SYNDIG1: variants seen among roughly 807,000 people sequenced by gnomAD.
SYNDIG1 encodes the protein synapse differentiation-inducing gene protein 1.
SYNDIG1 carries 9 observed loss-of-function variants against 19.4 expected under a neutral mutation model. That is an observed-to-expected ratio of 0.46 (90% CI 0.28 to 0.81). The LOEUF (loss-of-function observed/expected upper bound fraction) is 0.81, where lower values mean the gene tolerates loss of function less well. Among genes scored for constraint, SYNDIG1 ranks in the 30% least tolerant of loss-of-function variants. The probability of loss-of-function intolerance (pLI) is 0.12; values close to 1 mark genes in which losing one functional copy is unlikely to be tolerated. For synonymous variants in SYNDIG1, 141 were observed against 145.9 expected, an observed-to-expected ratio of 0.97 and a Z score of 0.24; for missense variants, 311 against 343.3, an observed-to-expected ratio of 0.91 and a Z score of 0.74.
At chr20:24,627,580 A>T (rs1260149817) in intron 3 of SYNDIG1, among the ~76,000 whole-genome samples, 1 of 152,240 alleles carries the variant, frequency 6.6e-6, no homozygotes, top group Non-Finnish European at 1.5e-5. Flanking sequence ...TTCAGAAAAC[A>T]TTCTCCGTAG....
At chr20:24,472,924 A>G (rs780062114) in intron 1 of SYNDIG1, among the ~76,000 whole-genome samples, 8 of 152,244 alleles carry the variant, frequency 5.3e-5, no homozygotes, top group African/African-American at 9.6e-5. Flanking sequence ...ATGAATAACC[A>G]TCTTGTAGGT....
In SYNDIG1 at chr20:24,530,804, G is replaced by GTT. The variant is rs199615273; in HGVS notation, c.-78-12211_-78-12210dup. Among the ~76,000 whole-genome samples the GTT allele has an allele frequency of 3.2e-3, 480 of 149,282 alleles. 7 individuals carry two copies. Among genetic ancestry groups the GTT allele is most frequent in the African/African-American group, 0.012 (462 of 39,714 alleles). ...GGGGTTTTGTTTGTTTGTTTTTTGGGTTTTTTGTTTTTTTTTTTTTCGGAG... is the reference window on the plus strand; with the variant it reads ...GGGGTTTTGTTTGTTTGTTTTTTGGGTTTTTTTTGTTTTTTTTTTTTTCGGAG... On this transcript the variant is annotated intron_variant, in intron 1 of 3. Coordinates refer to ENST00000376862, the MANE Select transcript of SYNDIG1 (RefSeq NM_024893.3).
chr20:24,631,497 T>C (rs1600797461), intron 3 of SYNDIG1, among the ~76,000 whole-genome samples: 1 of 152,328 alleles, frequency 6.6e-6, no homozygotes, highest in East Asian at 1.9e-4. Flanking sequence ...AAATTCAACA[T>C]TCCTCATTCT....
chr20:24,480,220 A>G (rs923637824), intron 1 of SYNDIG1, among the ~76,000 whole-genome samples: 4 of 152,236 alleles, frequency 2.6e-5, no homozygotes, highest in African/African-American at 4.8e-5. Context: ...AGAACAACCG[A>G]AGATGAAATA....
rs150549698 is a variant in SYNDIG1 at position 24,526,108 on chromosome 20, G to A, written c.-78-16912G>A. Reference sequence around the variant, plus strand: ...TTTTACTTTTAGCGATTCCATGTCCGTATGCTTTAGGTCTATCTCTTATAA... The same window carrying A: ...TTTTACTTTTAGCGATTCCATGTCCATATGCTTTAGGTCTATCTCTTATAA... On this transcript the variant is annotated intron_variant, in intron 1 of 3. Coordinates refer to ENST00000376862, the MANE Select transcript of SYNDIG1 (RefSeq NM_024893.3). 1.8e-3 allele frequency among the ~76,000 whole-genome samples: 275 copies of A among 152,060 alleles called. 1 individual carries two copies. Among genetic ancestry groups the A allele is most frequent in the African/African-American group, 6.2e-3 (256 of 41,466 alleles).
intron 2 of SYNDIG1, among the ~76,000 whole-genome samples, chr20:24,556,478 G>A (rs547377678): frequency 2.2e-4 from 33 of 152,264 alleles, no homozygotes; most frequent in African/African-American, 7.0e-4. Flanking sequence ...GCTTCCTTCA[G>A]GAGCTCTTTT....
intron 1 of SYNDIG1, among the ~76,000 whole-genome samples, chr20:24,490,686 A>C (rs763258815): frequency 6.6e-6 from 1 of 152,230 alleles, no homozygotes; most frequent in African/African-American, 2.4e-5. Context: ...AGGGGCCGGC[A>C]TGACAGCTGT....
At chr20:24,636,470 T>C (rs2059317360) in intron 3 of SYNDIG1, among the ~76,000 whole-genome samples, 1 of 152,190 alleles carries the variant, frequency 6.6e-6, no homozygotes, top group Non-Finnish European at 1.5e-5. Context: ...GAGGAGGCAG[T>C]GTCTGATTTA....
At chr20:24,598,772 G>A (rs2058634670) in intron 3 of SYNDIG1, among the ~76,000 whole-genome samples, 1 of 152,102 alleles carries the variant, frequency 6.6e-6, no homozygotes, top group Admixed American at 6.5e-5. Flanking sequence ...ATCCCAAAGG[G>A]TCAGTTTTGT....
intron 2 of SYNDIG1, among the ~76,000 whole-genome samples, chr20:24,580,381 C>T (rs2058301599): frequency 6.6e-6 from 1 of 151,924 alleles, no homozygotes; most frequent in Admixed American, 6.5e-5. Context: ...TTTTGTCTGC[C>T]CTGTAATTTG....
At chr20:24,659,688 C>A (rs752703162) in intron 3 of SYNDIG1, among the ~76,000 whole-genome samples, 1 of 152,142 alleles carries the variant, frequency 6.6e-6, no homozygotes, top group Non-Finnish European at 1.5e-5. Flanking sequence ...TGGGGAGAGG[C>A]CTGGAGAGGG....
chr20:24,607,591 C>T (rs1416269716), intron 3 of SYNDIG1, among the ~76,000 whole-genome samples: 3 of 152,136 alleles, frequency 2.0e-5, no homozygotes, highest in Non-Finnish European at 4.4e-5. Flanking sequence ...GAGACATCTC[C>T]ATGGGCCACA....
chr20:24,480,143 G>A (rs1004977811), intron 1 of SYNDIG1, among the ~76,000 whole-genome samples: 3 of 152,186 alleles, frequency 2.0e-5, no homozygotes, highest in Admixed American at 6.5e-5. Flanking sequence ...CTTCCTCCAA[G>A]TTTGGCATCC....
chr20:24,623,466 T>G (rs2059070343), intron 3 of SYNDIG1, among the ~76,000 whole-genome samples: 1 of 152,114 alleles, frequency 6.6e-6, no homozygotes, highest in Admixed American at 6.6e-5. Context: ...AGAAAAAAAG[T>G]ACAGCAAAAA....
At chr20:24,527,380 C>G (rs2057145505) in intron 1 of SYNDIG1, among the ~76,000 whole-genome samples, 1 of 152,104 alleles carries the variant, frequency 6.6e-6, no homozygotes, top group Non-Finnish European at 1.5e-5. Flanking sequence ...CTGGTAGTCA[C>G]TTGTCACTTG....
At chr20:24,610,088 G>A (rs181499500) in intron 3 of SYNDIG1, among the ~76,000 whole-genome samples, 7 of 152,278 alleles carry the variant, frequency 4.6e-5, no homozygotes, top group East Asian at 3.9e-4. Context: ...GAGCAGGTGG[G>A]CAATACTTTG....
rs952173955 is a variant in SYNDIG1, at chr20:24,665,132, G to A, written c.619-214G>A. 1.5e-4 allele frequency among the ~76,000 whole-genome samples: 23 copies of A among 152,046 alleles called. No homozygotes were observed. Among genetic ancestry groups the A allele is most frequent in the Admixed American group, 4.6e-4 (7 of 15,264 alleles). On this transcript the variant is annotated intron_variant, in intron 3 of 3. Transcript: ENST00000376862. ...TAGAAAAGAAGTCTGTCTTCCCTGC[G>A]GTGTGGGGGAGCAGCAGCAGGCCCC... is the stretch of plus-strand genomic sequence containing the variant.
chr20:24,555,201 C>G (rs1173181434), intron 2 of SYNDIG1, among the ~76,000 whole-genome samples: 2 of 151,956 alleles, frequency 1.3e-5, no homozygotes, highest in African/African-American at 4.8e-5. Context: ...CTCTTTTCTT[C>G]CTTATTAGTC....
At chr20:24,587,263 A>G (rs1416609502) in intron 3 of SYNDIG1, among the ~76,000 whole-genome samples, 1 of 152,172 alleles carries the variant, frequency 6.6e-6, no homozygotes, top group Non-Finnish European at 1.5e-5. Context: ...TGCTTTGAGA[A>G]TGTATTTCCC....
Sources: gnomAD v4.1 joint callset for allele counts (sites outside exome capture counted in the v4.1 genomes callset) on GRCh38, gnomAD v4.1.1 for gene constraint, MANE v1.5 for transcripts, NCBI Gene and HGNC (gene_info 2026-07-23, HGNC 2026-07-21) for gene names.